The following JOSD1 variants were observed in gnomAD, a reference collection of about 807,000 sequenced individuals.
The protein encoded by JOSD1 is Josephin domain containing 1, also known as josephin-1.
In JOSD1, 11 loss-of-function variants were observed where a neutral mutation model predicts 24.3. The observed-to-expected ratio is 0.45, with a 90% CI of 0.29 to 0.75. The LOEUF (loss-of-function observed/expected upper bound fraction) is 0.75, where lower values mean the gene tolerates loss of function less well. Ranked by LOEUF, JOSD1 falls within the 30% of genes least tolerant of loss-of-function variation. JOSD1 has a pLI of 0.11. For missense variants in JOSD1, 184 were observed against 253.5 expected (o/e 0.73, Z 1.86); for synonymous variants, 106 against 93.8 (o/e 1.13, Z -0.75).
chr22:38,687,709 T>G lies in JOSD1; in HGVS notation c.*193A>C. ...CCTTAAGTGCACAGAACTCCTACCT[T>G]CCTTGCCCAGGAACAAAACACTGAG... On this transcript the variant is annotated 3_prime_UTR_variant, in exon 5 of 5. Coordinates refer to ENST00000683374, the MANE Select transcript of JOSD1 (RefSeq NM_001360236.2). 4 of 559,426 alleles carry G rather than the reference T, an allele frequency of 7.2e-6. No homozygotes were observed. Among genetic ancestry groups the G allele is most frequent in the Non-Finnish European group, 1.3e-5 (4 of 313,058 alleles). 34.7% of individuals were successfully genotyped at this position (559,426 alleles called of 1,614,324 possible). A position where few individuals can be genotyped will look rare whatever the true frequency, so the allele number is the denominator to read the frequency against.
Position 38,700,866 on chromosome 22 carries a change from G to C in JOSD1, c.-698C>G, listed in dbSNP as rs1456471563. 1 of 984,338 alleles carries C rather than the reference G, an allele frequency of 1.0e-6. No homozygotes were observed. Among genetic ancestry groups the C allele is most frequent in the Non-Finnish European group, 1.2e-6 (1 of 829,682 alleles). The allele number at this position is 984,338 out of a possible 1,614,324, so 61.0% of individuals were successfully genotyped here. A position where few individuals can be genotyped will look rare whatever the true frequency, so the allele number is the denominator to read the frequency against. On this transcript the variant is annotated 5_prime_UTR_variant, in exon 1 of 5. Coordinates refer to ENST00000683374, the MANE Select transcript of JOSD1 (RefSeq NM_001360236.2). Reference sequence around the variant, plus strand: ...GCCGCGCCCCCGGCCGCAGACCCCAGGGCCGCCGGGACTGCTCGCCGCTGG... The same window carrying C: ...GCCGCGCCCCCGGCCGCAGACCCCACGGCCGCCGGGACTGCTCGCCGCTGG...
Position 38,700,847 on chromosome 22 carries a change from C to G in JOSD1, c.-679G>C. On this transcript the variant is annotated 5_prime_UTR_variant, in exon 1 of 5. Coordinates refer to ENST00000683374, the MANE Select transcript of JOSD1 (RefSeq NM_001360236.2). ...CAGGCCCAGACGCCCTCCCGCCGCG[C>G]CCCCGGCCGCAGACCCCAGGGCCGC... 2 of 984,458 alleles carry G rather than the reference C, an allele frequency of 2.0e-6. No individual in the cohort carries two copies. Among genetic ancestry groups the G allele is most frequent in the Non-Finnish European group, 2.4e-6 (2 of 829,570 alleles). 61.0% of individuals were successfully genotyped at this position (984,458 alleles called of 1,614,324 possible). A position where few individuals can be genotyped will look rare whatever the true frequency, so the allele number is the denominator to read the frequency against.
chr22:38,699,629 G>T (rs769917835), intron 2 of JOSD1, among the ~76,000 whole-genome samples, 174 bp downstream of exon 2: 1 of 152,196 alleles, frequency 6.6e-6, no homozygotes, highest in Non-Finnish European at 1.5e-5. Context: ...CTAGCCCACC[G>T]TAAGTGCCTG....
upstream of JOSD1, chr22:38,701,172 C>T: frequency 5.2e-6 from 1 of 190,896 alleles, no homozygotes; most frequent in Non-Finnish European, 9.7e-6. Context: ...CTGCGGGCTG[C>T]GCACCTCGGC....
chr22:38,689,777 GTAATCAT>G (rs1381668163), intron 2 of JOSD1, among the ~76,000 whole-genome samples: 1 of 151,766 alleles, frequency 6.6e-6, no homozygotes, highest in Non-Finnish European at 1.5e-5. Context: ...TGCAAACTTG[GTAATCAT>G]TAATCATTAA....
intron 2 of JOSD1, among the ~76,000 whole-genome samples, chr22:38,698,622 T>A (rs1455534651): frequency 1.3e-5 from 2 of 152,050 alleles, no homozygotes; most frequent in Non-Finnish European, 2.9e-5. Flanking sequence ...CTACTTCTAG[T>A]CGGGGTCATC....
Position 38,700,025 on chromosome 22 carries a change from C to G in JOSD1, c.-38G>C. 3 of 1,543,180 alleles carry G rather than the reference C, an allele frequency of 1.9e-6. No individual in the cohort carries two copies. The highest frequency in any genetic ancestry group is 1.3e-5 in the South Asian group (1 of 78,742). Reference sequence around the variant, plus strand: ...AGGTTCCAGAGATGGCTATAAACACCCCACTCTTCCCTCTAGAGGAAGAAT... The same window carrying G: ...AGGTTCCAGAGATGGCTATAAACACGCCACTCTTCCCTCTAGAGGAAGAAT... On this transcript the variant is annotated 5_prime_UTR_variant, in exon 2 of 5. Transcript: ENST00000683374.
At position 38,699,915 on chromosome 22, in the gene JOSD1, G is replaced by A; in HGVS notation, c.73C>T (p.Gln25Ter). 6.2e-7 allele frequency: 1 copy of A among 1,614,194 alleles called. No homozygotes were observed. The highest frequency in any genetic ancestry group is 8.5e-7 in the Non-Finnish European group (1 of 1,180,012). Residue 25 changes from glutamine (Q) to a stop codon, truncating the protein, a stop_gained, in exon 2 of 5, where the codon CAA (glutamine) becomes TAA (stop). Coordinates refer to ENST00000683374, the MANE Select transcript of JOSD1 (RefSeq NM_001360236.2). LOFTEE classifies it high-confidence loss of function. ...SLELPQAAPPQIYHEKQRREL... is the reference protein window; with the variant it reads ...SLELPQAAPP The stretch of plus-strand genomic sequence containing the variant: ...CTGCGCTGTTTCTCATGGTAGATTT[G>A]TGGGGGTGCTGCCTGGGGCAGCTCC...
chr22:38,699,794 G>T lies in JOSD1; in HGVS notation c.185+9C>A, dbSNP rs1282294292. On this transcript the variant is annotated intron_variant, in intron 2 of 4. Coordinates refer to ENST00000683374, the MANE Select transcript of JOSD1 (RefSeq NM_001360236.2). Reference sequence around the variant, plus strand: ...CAGTATCAAGATGCCAAGGAGAAGGGTCCCCTACCTCTGGAAAATCTCTTG... The same window carrying T: ...CAGTATCAAGATGCCAAGGAGAAGGTTCCCCTACCTCTGGAAAATCTCTTG... 6.2e-7 allele frequency: 1 copy of T among 1,613,664 alleles called. No individual in the cohort carries two copies. Among genetic ancestry groups the T allele is most frequent in the Non-Finnish European group, 8.5e-7 (1 of 1,179,656 alleles).
Position 38,700,835 on chromosome 22 carries a change from C to T in JOSD1, c.-667G>A. ...GTCACGTGAGCGCAGGCCCAGACGC[C>T]CTCCCGCCGCGCCCCCGGCCGCAGA... On this transcript the variant is annotated 5_prime_UTR_variant, in exon 1 of 5. Coordinates refer to ENST00000683374, the MANE Select transcript of JOSD1 (RefSeq NM_001360236.2). The T allele has an allele frequency of 1.0e-6, 1 of 984,742 alleles. No homozygotes were observed. Among genetic ancestry groups the T allele is most frequent in the Non-Finnish European group, 1.2e-6 (1 of 829,692 alleles). The allele number at this position is 984,742 out of a possible 1,614,324, so 61.0% of individuals were successfully genotyped here. A position where few individuals can be genotyped will look rare whatever the true frequency, so the allele number is the denominator to read the frequency against.
chr22:38,692,929 A>G (rs897160845), intron 2 of JOSD1, among the ~76,000 whole-genome samples: 3 of 152,148 alleles, frequency 2.0e-5, no homozygotes, highest in African/African-American at 7.2e-5. Context: ...TGAAGGCTCC[A>G]ACAAGGAAAA....
Position 38,687,736 on chromosome 22 carries a change from A to G in JOSD1, c.*166T>C. On this transcript the variant is annotated 3_prime_UTR_variant, in exon 5 of 5. Coordinates refer to ENST00000683374, the MANE Select transcript of JOSD1 (RefSeq NM_001360236.2). ...CTTGCCCAGGAACAAAACACTGAGT[A>G]GTTCTTATAACAGTCCACACGTCTG... The G allele has an allele frequency of 1.7e-6, 1 of 589,928 alleles. No homozygotes were observed. The highest frequency in any genetic ancestry group is 3.1e-6 in the Non-Finnish European group (1 of 326,804). 36.5% of individuals were successfully genotyped at this position (589,928 alleles called of 1,614,324 possible).
chr22:38,700,523 G>A lies in JOSD1; in HGVS notation c.-536C>T. The A allele has an allele frequency of 1.0e-6, 1 of 986,126 alleles. No individual in the cohort carries two copies. The highest frequency in any genetic ancestry group is 1.2e-6 in the Non-Finnish European group (1 of 830,392). The allele number at this position is 986,126 out of a possible 1,614,324, so 61.1% of individuals were successfully genotyped here. On this transcript the variant is annotated 5_prime_UTR_variant, in exon 2 of 5. Coordinates refer to ENST00000683374, the MANE Select transcript of JOSD1 (RefSeq NM_001360236.2). The stretch of plus-strand genomic sequence containing the variant: ...GGCGTGGGACCGCGAGCCGCGCGGG[G>A]GCCTCGGGGGCAGCCCTCCATCCCC...
In JOSD1 at chr22:38,700,546, C is replaced by T. The variant is rs191498822; in HGVS notation, c.-559G>A. The T allele has an allele frequency of 5.1e-6, 5 of 985,872 alleles. No homozygotes were observed. The East Asian group carries it at 4.5e-4, about 89-fold the overall frequency. The allele number at this position is 985,872 out of a possible 1,614,324, so 61.1% of individuals were successfully genotyped here. A position where few individuals can be genotyped will look rare whatever the true frequency, so the allele number is the denominator to read the frequency against. On this transcript the variant is annotated 5_prime_UTR_variant, in exon 2 of 5. Transcript: ENST00000683374. ...GGGGCCTCGGGGGCAGCCCTCCATC[C>T]CCTCGGGTACGGTGGGGCCCGCAGG...
At chr22:38,688,827 G>A in intron 4 of JOSD1, 108 bp downstream of exon 4, 1 of 1,032,852 alleles carries the variant, frequency 9.7e-7, no homozygotes, top group Non-Finnish European at 1.4e-6. Context: ...GAGAATCCAA[G>A]GGCACAGGAA....
rs1302336505 is a variant in JOSD1, at chr22:38,700,475, C to A, written c.-488G>T. The A allele has an allele frequency of 2.0e-6, 2 of 986,234 alleles. No individual in the cohort carries two copies. The highest frequency in any genetic ancestry group is 2.4e-6 in the Non-Finnish European group (2 of 830,558). The allele number at this position is 986,234 out of a possible 1,614,324, so 61.1% of individuals were successfully genotyped here. On this transcript the variant is annotated 5_prime_UTR_variant, in exon 2 of 5. Coordinates refer to ENST00000683374, the MANE Select transcript of JOSD1 (RefSeq NM_001360236.2). ...TGACGGATAAATTTAGCGCACGAGT[C>A]GAGTAGCTAGCGCGGGCCGGCAGGC... is the stretch of plus-strand genomic sequence containing the variant.
chr22:38,689,912 C>CTGTGTGTGTGTG (rs57064558), intron 2 of JOSD1, among the ~76,000 whole-genome samples: 3,225 of 144,590 alleles, frequency 0.022, 55 homozygotes, highest in African/African-American at 0.043. Context: ...TAAAGGCATT[C>CTGTGTGTGTGTG]TGTGTGTGTG....
chr22:38,700,976 C>T, upstream of JOSD1: 1 of 984,946 alleles, frequency 1.0e-6, no homozygotes, highest in South Asian at 4.7e-5. Flanking sequence ...CTGAGCCCGA[C>T]GTCAGCGGCC....
intron 4 of JOSD1, 150 bp from the exon 5 acceptor site, chr22:38,688,151 T>C (rs1213499318): frequency 3.1e-6 from 2 of 636,634 alleles, no homozygotes; most frequent in Non-Finnish European, 5.6e-6. Context: ...CACATTTGGT[T>C]ACCCTCCAAT....
Sources: gnomAD v4.1 joint callset for allele counts (sites outside exome capture counted in the v4.1 genomes callset) on GRCh38, gnomAD v4.1.1 for gene constraint, MANE v1.5 for transcripts, NCBI Gene and HGNC (gene_info 2026-07-23, HGNC 2026-07-21) for gene names.